NAXD: variants seen among roughly 807,000 people sequenced by gnomAD.
NAXD encodes the protein ATP-dependent (S)-NAD(P)H-hydrate dehydratase.
A neutral mutation model predicts 35.8 loss-of-function variants in NAXD; 22 were observed. The observed-to-expected ratio is 0.62, with a 90% confidence interval of 0.44 to 0.88. The LOEUF (loss-of-function observed/expected upper bound fraction) is 0.88. Ranked by LOEUF, NAXD falls within the 40% of genes least tolerant of loss-of-function variation. The pLI is 0.00. For synonymous variants in NAXD, 189 were observed against 177.6 expected, an observed-to-expected ratio of 1.06 and a Z score of -0.51; for missense variants, 428 against 437.7, an observed-to-expected ratio of 0.98 and a Z score of 0.20.
At chr13:110,624,121 G>T in intron 2 of NAXD, 113 bp from the exon 3 acceptor site, 2 of 641,366 alleles carry the variant, frequency 3.1e-6, no homozygotes, top group South Asian at 1.9e-5. Flanking sequence ...GTTATTTATT[G>T]ATAAACCATG....
chr13:110,624,844 G>C (rs4771700), intron 3 of NAXD, among the ~76,000 whole-genome samples: 22,036 of 152,226 alleles, frequency 0.14, 1,913 homozygotes, highest in Admixed American at 0.27. Flanking sequence ...TTTGTAGGTC[G>C]CAGCTGAAGC....
At chr13:110,636,525 C>G (rs1285585973) in intron 8 of NAXD, among the ~76,000 whole-genome samples, 1 of 152,256 alleles carries the variant, frequency 6.6e-6, no homozygotes, top group African/African-American at 2.4e-5. Context: ...AGCAGATGTT[C>G]TCAGAGGGAC....
In NAXD at chr13:110,628,743, G is replaced by C. The variant is rs780735881; in HGVS notation, c.441+1196G>C. On this transcript the variant is annotated intron_variant, in intron 5 of 9. Transcript: ENST00000680254. The surrounding 1 kb of genome is among the most constrained non-coding windows in gnomAD (Gnocchi z 4.1). ...AGCAGTAGAACCCTCTGTCATCCCC[G>C]GGGAGAGGCTCTCAATGGGGAGTCC... is the stretch of plus-strand genomic sequence containing the variant. 6.6e-6 allele frequency among the ~76,000 whole-genome samples: 1 copy of C among 152,018 alleles called. No individual in the cohort carries two copies. The highest frequency in any genetic ancestry group is 6.6e-5 in the Admixed American group (1 of 15,266).
rs1363985175 is a variant in NAXD at position 110,638,610 on chromosome 13, G to C, written c.*82G>C. ...TGGGAAAATCCGGACCCACGCGTGT[G>C]CTGAAGGCGTACGGTGCTTGCCAGA... On this transcript the variant is annotated 3_prime_UTR_variant, in exon 10 of 10. Transcript: ENST00000680254. The surrounding 1 kb of genome is among the most constrained non-coding windows in gnomAD (Gnocchi z 5.4). The C allele has an allele frequency of 2.0e-6, 3 of 1,494,474 alleles. No homozygotes were observed. The highest frequency in any genetic ancestry group is 2.8e-6 in the Non-Finnish European group (3 of 1,079,654). 92.6% of individuals were successfully genotyped at this position (1,494,474 alleles called of 1,614,324 possible). A position where few individuals can be genotyped will look rare whatever the true frequency, so the allele number is the denominator to read the frequency against.
chr13:110,632,572 A>G (rs1241353982), intron 5 of NAXD, among the ~76,000 whole-genome samples: 4 of 152,116 alleles, frequency 2.6e-5, no homozygotes, highest in African/African-American at 9.7e-5. Context: ...CGTCCCCATC[A>G]GATTAGTTAG....
rs753826599 is a variant in NAXD, at chr13:110,638,687, T to C, written c.*159T>C. 2.4e-6 allele frequency: 2 copies of C among 836,026 alleles called. No homozygotes were observed. The highest frequency in any genetic ancestry group is 2.6e-5 in the East Asian group (1 of 38,112). The allele number at this position is 836,026 out of a possible 1,614,324, so 51.8% of individuals were successfully genotyped here. A position where few individuals can be genotyped will look rare whatever the true frequency, so the allele number is the denominator to read the frequency against. ...CCATTGAGAATTTAAGAATCTGGAA[T>C]ATTGCAGCTTTTGGTTAAACTTAAT... is the stretch of plus-strand genomic sequence containing the variant. On this transcript the variant is annotated 3_prime_UTR_variant, in exon 10 of 10. Transcript: ENST00000680254. This position sits in a 1 kb window ranked among gnomAD's most constrained non-coding sequence, Gnocchi z 5.4.
chr13:110,626,436 C>A (rs938727446), intron 4 of NAXD, among the ~76,000 whole-genome samples: 13 of 151,898 alleles, frequency 8.6e-5, no homozygotes, highest in African/African-American at 3.1e-4. Flanking sequence ...AGTTTGGCTG[C>A]CAGTTAGACA....
At chr13:110,617,459 A>G (rs1886102689) in intron 1 of NAXD, among the ~76,000 whole-genome samples, 1 of 152,162 alleles carries the variant, frequency 6.6e-6, no homozygotes, top group Non-Finnish European at 1.5e-5. Context: ...TTCTGTGTTA[A>G]CATTTGAAAT....
chr13:110,631,836 AC>A (rs1223081422), intron 5 of NAXD, among the ~76,000 whole-genome samples: 2 of 152,194 alleles, frequency 1.3e-5, no homozygotes, highest in Admixed American at 1.3e-4. Flanking sequence ...TAATGCTCGG[AC>A]CAGTGTCAGA....
intron 1 of NAXD, among the ~76,000 whole-genome samples, chr13:110,619,300 T>C (rs962608483): frequency 1.3e-5 from 2 of 152,220 alleles, no homozygotes; most frequent in Non-Finnish European, 2.9e-5. Context: ...TTGTAAGATA[T>C]GAATCTTGGA....
chr13:110,629,184 G>A (rs1404204198), intron 5 of NAXD, among the ~76,000 whole-genome samples: 6 of 152,192 alleles, frequency 3.9e-5, no homozygotes, highest in African/African-American at 7.2e-5. Context: ...AAAACAACCC[G>A]ATTAGGTAGA....
At chr13:110,634,493 C>G in intron 5 of NAXD, 52 bp from the exon 6 acceptor site, 2 of 1,573,812 alleles carry the variant, frequency 1.3e-6, no homozygotes, top group Admixed American at 3.3e-5. Flanking sequence ...AAGACACATA[C>G]CCACACCATA....
At position 110,637,548 on chromosome 13, in the gene NAXD, G is replaced by A. The variant is rs139378225; in HGVS notation, c.839+299G>A. 7.9e-3 allele frequency among the ~76,000 whole-genome samples: 1,208 copies of A among 152,300 alleles called. 10 individuals are homozygous for A. The highest frequency in any genetic ancestry group is 0.014 in the Middle Eastern group (4 of 294). On this transcript the variant is annotated intron_variant, in intron 9 of 9. Transcript: ENST00000680254. ...GCACGCTGTTCTGGGAAGTTGAGTG[G>A]TTTATTCTGTGTAACACAGAATACT...
chr13:110,621,916 G>C (rs1027316209), intron 1 of NAXD, among the ~76,000 whole-genome samples: 2 of 151,760 alleles, frequency 1.3e-5, no homozygotes, highest in African/African-American at 4.8e-5. Flanking sequence ...TATAATCCCA[G>C]CTGCTCAGGA....
chr13:110,633,759 T>A (rs1594182725), intron 5 of NAXD, among the ~76,000 whole-genome samples: 2 of 85,928 alleles, frequency 2.3e-5, no homozygotes, highest in South Asian at 8.5e-4. Context: ...ATACATGTAG[T>A]TTTTTTTTTT....
chr13:110,637,336 C>G, intron 9 of NAXD, 87 bp downstream of exon 9: 1 of 1,464,910 alleles, frequency 6.8e-7, no homozygotes, highest in Non-Finnish European at 9.5e-7. Context: ...ATAAGTAGCC[C>G]TGGAAACACT....
chr13:110,625,881 CAAGG>C (rs1320290720), intron 4 of NAXD, among the ~76,000 whole-genome samples: 3 of 152,118 alleles, frequency 2.0e-5, no homozygotes, highest in Non-Finnish European at 4.4e-5. Flanking sequence ...GCTCTGGAGA[CAAGG>C]GAGAGGAGGA....
At chr13:110,618,384 C>T (rs528429126) in intron 1 of NAXD, among the ~76,000 whole-genome samples, 1 of 152,232 alleles carries the variant, frequency 6.6e-6, no homozygotes, top group Non-Finnish European at 1.5e-5. Context: ...CAGGAGGAGG[C>T]GACTCCCGCT....
At position 110,634,527 on chromosome 13, in the gene NAXD, G is replaced by A. The variant is rs998537822; in HGVS notation, c.442-18G>A. On this transcript the variant is annotated intron_variant, in intron 5 of 9. Transcript: ENST00000680254. The stretch of plus-strand genomic sequence containing the variant: ...TAGCAGCAGGCATGGTGCTCAGTCT[G>A]GTTTTCTCTTCTGGCAGGGCATTTT... The A allele has an allele frequency of 3.1e-6, 5 of 1,613,770 alleles. No homozygotes were observed. Among genetic ancestry groups the A allele is most frequent in the Non-Finnish European group, 2.5e-6 (3 of 1,179,658 alleles).
Sources: gnomAD v4.1 joint callset for allele counts (sites outside exome capture counted in the v4.1 genomes callset) on GRCh38, gnomAD v4.1.1 for gene constraint, Gnocchi (gnomAD v3.1) non-coding constraint, MANE v1.5 for transcripts, NCBI Gene and HGNC (gene_info 2026-07-23, HGNC 2026-07-21) for gene names.